The following EHBP1 variants were observed in gnomAD, a reference collection of about 807,000 sequenced individuals.
EHBP1 encodes EH domain binding protein 1.
Under a neutral mutation model 144.0 loss-of-function variants are expected in EHBP1, and 55 were observed. The observed-to-expected ratio is 0.38, with a 90% confidence interval of 0.31 to 0.48. EHBP1 has a LOEUF of 0.48. Among genes scored for constraint, EHBP1 ranks in the 20% least tolerant of loss-of-function variants. EHBP1 has a pLI of 0.98. For synonymous variants in EHBP1, 469 were observed against 472.7 expected, an observed-to-expected ratio of 0.99 and a Z score of 0.10; for missense variants, 1,200 against 1,364.2, an observed-to-expected ratio of 0.88 and a Z score of 1.90.
At chr2:62,903,679 T>C in intron 10 of EHBP1, among the ~76,000 whole-genome samples, 1 of 151,992 alleles carries the variant, frequency 6.6e-6, no homozygotes, top group East Asian at 1.9e-4. Context: ...GGCTAGAGGA[T>C]TGCTTGAGCC....
At chr2:62,674,039 C>G in exon 1 of EHBP1, 1 of 470,962 alleles carries the variant, frequency 2.1e-6, no homozygotes, top group Non-Finnish European at 4.4e-6. Flanking sequence ...TCTCAAGAAG[C>G]CGAATCAAAA....
chr2:62,974,167 T>C (rs1051923538), intron 14 of EHBP1, among the ~76,000 whole-genome samples: 14 of 152,140 alleles, frequency 9.2e-5, no homozygotes, highest in African/African-American at 3.4e-4. Context: ...ATGTTAGACC[T>C]CTCTTCTTTT....
chr2:62,941,812 G>A (rs1409803274), intron 10 of EHBP1, among the ~76,000 whole-genome samples: 4 of 151,984 alleles, frequency 2.6e-5, no homozygotes, highest in Non-Finnish European at 4.4e-5. Context: ...TTTAAAGTCC[G>A]GAAACATTTA....
At chr2:62,760,349 CA>C (rs1465489523) in intron 3 of EHBP1, among the ~76,000 whole-genome samples, 37 of 152,240 alleles carry the variant, frequency 2.4e-4, no homozygotes, top group African/African-American at 7.5e-4. Context: ...ATCAAAAAGC[CA>C]GAACTCGGTT....
At chr2:63,008,397 TCA>T (rs2060129679) in intron 19 of EHBP1, among the ~76,000 whole-genome samples, 1 of 151,678 alleles carries the variant, frequency 6.6e-6, no homozygotes, top group Non-Finnish European at 1.5e-5. Context: ...TTGTCAGATT[TCA>T]GTCTTGTTTT....
intron 19 of EHBP1, among the ~76,000 whole-genome samples, chr2:63,017,141 G>A (rs1239774731): frequency 2.0e-5 from 3 of 152,162 alleles, no homozygotes; most frequent in African/African-American, 7.2e-5. Flanking sequence ...AAAAATTGGA[G>A]TAAAGAACTC....
rs1214706822 is a variant in EHBP1 at position 62,836,530 on chromosome 2, C to T, written c.634+5372C>T. Among the ~76,000 whole-genome samples the T allele has an allele frequency of 1.5e-4, 21 of 141,456 alleles. 1 individual carries two copies. Among genetic ancestry groups the T allele is most frequent in the Admixed American group, 1.2e-3 (17 of 13,954 alleles). 92.8% of individuals were successfully genotyped at this position (141,456 alleles called of 152,430 possible). On this transcript the variant is annotated intron_variant, in intron 7 of 22. Transcript: ENST00000431489. ...GAGCTGAGAGAAGGCTTCAGACGAT[C>T]AAATTACTCTGAGCTACGGGAGGAC...
chr2:62,841,994 G>A (rs76327025), intron 7 of EHBP1, among the ~76,000 whole-genome samples: 1 of 152,130 alleles, frequency 6.6e-6, no homozygotes, highest in Non-Finnish European at 1.5e-5. Flanking sequence ...TATCTGGTGA[G>A]AGCCTGTTCC....
At chr2:62,789,953 A>G (rs2043064428) in intron 5 of EHBP1, among the ~76,000 whole-genome samples, 2 of 152,198 alleles carry the variant, frequency 1.3e-5, no homozygotes, top group South Asian at 4.1e-4. Flanking sequence ...AGTTTTCTAT[A>G]TGATGTCAGC....
intron 19 of EHBP1, among the ~76,000 whole-genome samples, chr2:63,017,834 A>G (rs1219861415): frequency 6.6e-6 from 1 of 152,224 alleles, no homozygotes; most frequent in Non-Finnish European, 1.5e-5. Context: ...GAACAGACAT[A>G]TAGTTTAAAG....
chr2:62,788,091 A>C (rs1254351837), intron 5 of EHBP1, among the ~76,000 whole-genome samples: 1 of 152,176 alleles, frequency 6.6e-6, no homozygotes, highest in African/African-American at 2.4e-5. Context: ...TTTTTAAAGA[A>C]TGCCTCTTTT....
intron 1 of EHBP1, among the ~76,000 whole-genome samples, chr2:62,677,550 G>A (rs555507059): frequency 7.9e-5 from 12 of 151,822 alleles, no homozygotes; most frequent in Non-Finnish European, 1.5e-4. Context: ...TTTTACTATA[G>A]TCACACTGTT....
chr2:62,990,023 A>G (rs970278593), intron 15 of EHBP1, among the ~76,000 whole-genome samples: 65 of 152,132 alleles, frequency 4.3e-4, no homozygotes, highest in African/African-American at 1.4e-3. Flanking sequence ...ATCTATTGCG[A>G]CCATTTTATT....
intron 10 of EHBP1, among the ~76,000 whole-genome samples, chr2:62,924,449 C>T (rs368669072): frequency 1.8e-4 from 28 of 151,898 alleles, no homozygotes; most frequent in East Asian, 1.7e-3. Context: ...AAAAGATAAA[C>T]GAAATCAACA....
At chr2:62,880,498 A>G (rs2051313351) in intron 10 of EHBP1, among the ~76,000 whole-genome samples, 1 of 152,160 alleles carries the variant, frequency 6.6e-6, no homozygotes, top group Non-Finnish European at 1.5e-5. Flanking sequence ...TTCCAACTAC[A>G]TATCTGAGAA....
chr2:62,863,833 C>CTG, intron 8 of EHBP1, among the ~76,000 whole-genome samples: 1 of 61,076 alleles, frequency 1.6e-5, no homozygotes, highest in Non-Finnish European at 3.8e-5. Context: ...TTTTATTTTT[C>CTG]TGTGTTGTTT....
intron 5 of EHBP1, among the ~76,000 whole-genome samples, chr2:62,820,709 G>GT (rs750156984): frequency 3.9e-5 from 5 of 128,972 alleles, no homozygotes; most frequent in Non-Finnish European, 3.2e-5. Context: ...GTATTCCATT[G>GT]GGTGTGTGTG....
intron 19 of EHBP1, among the ~76,000 whole-genome samples, chr2:63,019,830 GGGAAGGAA>G (rs539462695): frequency 0.065 from 2,242 of 34,618 alleles, 55 homozygotes; most frequent in South Asian, 0.1. Context: ...AAGAGGGGGA[GGGAAGGAA>G]GGAAGGAAGG....
At chr2:62,899,780 C>T (rs553200183) in intron 10 of EHBP1, among the ~76,000 whole-genome samples, 18 of 152,280 alleles carry the variant, frequency 1.2e-4, no homozygotes, top group East Asian at 9.6e-4. Context: ...ACTTCAAAGA[C>T]GTCTATCTGC....
Sources: allele counts gnomAD v4.1 joint callset (sites outside exome capture counted in the v4.1 genomes callset), GRCh38; gene constraint gnomAD v4.1.1; transcripts MANE v1.5; gene names NCBI Gene and HGNC (gene_info 2026-07-23, HGNC 2026-07-21).